LRMDA: variants seen among roughly 807,000 people sequenced by gnomAD.
LRMDA encodes the protein leucine rich melanocyte differentiation associated.
In LRMDA, 18 loss-of-function variants were observed where a neutral mutation model predicts 29.8. The observed-to-expected ratio is 0.60, with a 90% confidence interval of 0.42 to 0.90. The LOEUF (loss-of-function observed/expected upper bound fraction) is 0.90. Among genes scored for constraint, LRMDA ranks in the 40% least tolerant of loss-of-function variants. LRMDA has a pLI of 0.00. For missense variants in LRMDA, 273 were observed against 273.9 expected (o/e 1.00, Z 0.02); for synonymous variants, 125 against 109.4 (o/e 1.14, Z -0.89).
intron 5 of LRMDA, among the ~76,000 whole-genome samples, chr10:76,062,727 CT>C (rs888755516): frequency 6.7e-6 from 1 of 149,778 alleles, no homozygotes; most frequent in Non-Finnish European, 1.5e-5. Flanking sequence ...AACAGCTAGG[CT>C]TTGTCATTTC....
At chr10:75,550,544 G>A (rs577856902) in intron 2 of LRMDA, among the ~76,000 whole-genome samples, 1 of 152,010 alleles carries the variant, frequency 6.6e-6, no homozygotes, top group East Asian at 1.9e-4. Flanking sequence ...ATGTCTCTGT[G>A]TTTATATTTA....
chr10:75,792,116 T>C, intron 2 of LRMDA, among the ~76,000 whole-genome samples: 1 of 151,900 alleles, frequency 6.6e-6, no homozygotes, highest in Non-Finnish European at 1.5e-5. Flanking sequence ...CCTCGGCCTC[T>C]CAAAGTGCTG....
intron 2 of LRMDA, among the ~76,000 whole-genome samples, chr10:75,789,392 C>T (rs1267985327): frequency 6.6e-6 from 1 of 152,134 alleles, no homozygotes; most frequent in Non-Finnish European, 1.5e-5. Flanking sequence ...TGAAACTGGG[C>T]CTTGAACATT....
Position 76,455,339 on chromosome 10 carries a change from A to G in LRMDA, c.602-101870A>G, listed in dbSNP as rs141421698. On this transcript the variant is annotated intron_variant, in intron 6 of 6. Coordinates refer to ENST00000611255, the MANE Select transcript of LRMDA (RefSeq NM_001305581.2). The stretch of plus-strand genomic sequence containing the variant: ...GGTATGAAATTCTGAAGGTTTTAAA[A>G]TGCTGTTTATCCCCAAGACCAAAAT... Among the ~76,000 whole-genome samples, 18 of 152,334 alleles carry G rather than the reference A, an allele frequency of 1.2e-4. No individual in the cohort carries two copies. The East Asian group carries it at 3.3e-3, about 28-fold the overall frequency.
At chr10:76,506,704 A>T (rs1186482650) in intron 6 of LRMDA, among the ~76,000 whole-genome samples, 1 of 151,920 alleles carries the variant, frequency 6.6e-6, no homozygotes, top group East Asian at 1.9e-4. Flanking sequence ...TAGTTCCCAC[A>T]TATGAATTAT....
chr10:76,493,998 T>A (rs1842858510), intron 6 of LRMDA, among the ~76,000 whole-genome samples: 1 of 152,194 alleles, frequency 6.6e-6, no homozygotes, highest in Admixed American at 6.5e-5. Flanking sequence ...TACCTTTAAT[T>A]GATTTTTATG....
intron 6 of LRMDA, among the ~76,000 whole-genome samples, chr10:76,538,543 T>C (rs59409030): frequency 0.036 from 4,893 of 136,062 alleles, 144 homozygotes; most frequent in African/African-American, 0.071. Context: ...GTTATATATA[T>C]GTATATATAT....
chr10:76,088,439 A>T (rs912200772), intron 5 of LRMDA, among the ~76,000 whole-genome samples: 2 of 152,136 alleles, frequency 1.3e-5, no homozygotes, highest in African/African-American at 2.4e-5. Flanking sequence ...CTTTTTGGAG[A>T]AAATATATAT....
chr10:75,639,796 C>T (rs1463206596), intron 2 of LRMDA, among the ~76,000 whole-genome samples: 1 of 152,180 alleles, frequency 6.6e-6, no homozygotes, highest in Non-Finnish European at 1.5e-5. Flanking sequence ...AGCAGTAGGT[C>T]CATCTTGGTG....
In LRMDA at chr10:76,413,410, A is replaced by G. The variant is rs1253267913; in HGVS notation, c.601+88925A>G. Reference sequence around the variant, plus strand: ...AGACCTCATAATCATTGAGGAGGGCAAAAGGCACATCTTACATGGCAGCAA... The same window carrying G: ...AGACCTCATAATCATTGAGGAGGGCGAAAGGCACATCTTACATGGCAGCAA... On this transcript the variant is annotated intron_variant, in intron 6 of 6. Coordinates refer to ENST00000611255, the MANE Select transcript of LRMDA (RefSeq NM_001305581.2). Among the ~76,000 whole-genome samples, 3 of 152,228 alleles carry G rather than the reference A, an allele frequency of 2.0e-5. No individual in the cohort carries two copies. The East Asian group carries it at 5.8e-4, about 29-fold the overall frequency.
intron 2 of LRMDA, among the ~76,000 whole-genome samples, chr10:75,910,111 A>T (rs1845820029): frequency 6.6e-6 from 1 of 152,114 alleles, no homozygotes; most frequent in Admixed American, 6.5e-5. Flanking sequence ...TTTGACATTG[A>T]TGTTTTTCAT....
At chr10:76,338,086 A>C (rs1009224124) in intron 6 of LRMDA, among the ~76,000 whole-genome samples, 2 of 151,806 alleles carry the variant, frequency 1.3e-5, no homozygotes, top group African/African-American at 2.4e-5. Context: ...AAAAAAAAAA[A>C]CAATTCCCAA....
chr10:75,917,309 G>T (rs530721868), intron 2 of LRMDA, among the ~76,000 whole-genome samples: 2 of 152,240 alleles, frequency 1.3e-5, no homozygotes, highest in East Asian at 3.9e-4. Flanking sequence ...AACCCATCCG[G>T]TGAGTTCTCC....
intron 2 of LRMDA, among the ~76,000 whole-genome samples, chr10:75,823,449 A>G (rs1844195431): frequency 6.6e-6 from 1 of 152,204 alleles, no homozygotes. Context: ...TTAAAAAGTC[A>G]AAAAACAACA....
Position 75,820,747 on chromosome 10 carries a change from T to C in LRMDA, c.132-215261T>C, listed in dbSNP as rs369359744. On this transcript the variant is annotated intron_variant, in intron 2 of 6. Coordinates refer to ENST00000611255, the MANE Select transcript of LRMDA (RefSeq NM_001305581.2). ...ATGAAAAGTTGGTTCTTTGAAAACA[T>C]AAATAAAATTAATAGACCACTAACT... is the stretch of plus-strand genomic sequence containing the variant. Among the ~76,000 whole-genome samples the C allele has an allele frequency of 2.0e-5, 3 of 151,862 alleles. No homozygotes were observed. In the East Asian group the frequency reaches 5.8e-4, roughly 29 times the overall value.
intron 2 of LRMDA, among the ~76,000 whole-genome samples, chr10:75,939,865 T>G (rs899139209): frequency 6.6e-6 from 1 of 152,246 alleles, no homozygotes; most frequent in East Asian, 1.9e-4. Context: ...AGAAGAGCCT[T>G]CCCTGGGGGA....
At chr10:76,125,837 G>A (rs1386612723) in intron 5 of LRMDA, among the ~76,000 whole-genome samples, 1 of 152,200 alleles carries the variant, frequency 6.6e-6, no homozygotes, top group East Asian at 1.9e-4. Flanking sequence ...CATAAACCCA[G>A]AATGTTTTGT....
At chr10:76,007,796 G>C (rs1847699112) in intron 2 of LRMDA, among the ~76,000 whole-genome samples, 1 of 152,190 alleles carries the variant, frequency 6.6e-6, no homozygotes, top group South Asian at 2.1e-4. Context: ...ATCAGAGGAG[G>C]GGAAGGGGAG....
At chr10:75,820,226 G>T (rs1375987408) in intron 2 of LRMDA, among the ~76,000 whole-genome samples, 1 of 152,156 alleles carries the variant, frequency 6.6e-6, no homozygotes, top group Non-Finnish European at 1.5e-5. Context: ...TGCTCATGGT[G>T]CAGTCTCAAA....
Sources: gnomAD v4.1 joint callset for allele counts (sites outside exome capture counted in the v4.1 genomes callset) on GRCh38, gnomAD v4.1.1 for gene constraint, MANE v1.5 for transcripts, NCBI Gene and HGNC (gene_info 2026-07-23, HGNC 2026-07-21) for gene names.